Variants in ZNF518A observed in about 807,000 individuals in gnomAD.
The protein encoded by ZNF518A is zinc finger protein 518A.
Under a neutral mutation model 102.7 loss-of-function variants are expected in ZNF518A, and 47 were observed. That is an observed-to-expected ratio of 0.46 (90% CI 0.36 to 0.58). The LOEUF (loss-of-function observed/expected upper bound fraction) is 0.58. ZNF518A is among the 20% of genes least tolerant of loss of function. The pLI is 0.00. For synonymous variants in ZNF518A, 652 were observed against 594.6 expected, an observed-to-expected ratio of 1.10 and a Z score of -1.40; for missense variants, 1,793 against 1,699.8, an observed-to-expected ratio of 1.05 and a Z score of -0.96.
chr10:96,131,306 C>CT lies in ZNF518A; in HGVS notation c.-453+555dup, dbSNP rs151169717. On this transcript the variant is annotated intron_variant, in intron 1 of 5. Transcript: ENST00000316045. The stretch of plus-strand genomic sequence containing the variant: ...GCAAGGGGTCTGATTTGAGTGTACT[C>CT]TAAGGTTGATATCCTCAGGTTTAAT... 7.9e-3 allele frequency among the ~76,000 whole-genome samples: 1,198 copies of CT among 152,260 alleles called. 15 individuals carry two copies. Among genetic ancestry groups the CT allele is most frequent in the African/African-American group, 0.026 (1,068 of 41,540 alleles).
At chr10:96,186,306 C>T (rs2083271518) in intron 1 of ZNF518A, among the ~76,000 whole-genome samples, 1 of 152,224 alleles carries the variant, frequency 6.6e-6, no homozygotes, top group Non-Finnish European at 1.5e-5. Context: ...ATCGATCACA[C>T]TGGGAGCTGC....
At chr10:96,176,315 G>A (rs1344656756) in intron 1 of ZNF518A, among the ~76,000 whole-genome samples, 1 of 152,086 alleles carries the variant, frequency 6.6e-6, no homozygotes, top group Non-Finnish European at 1.5e-5. Context: ...AAACATTTAT[G>A]TAACTGGAGT....
intron 1 of ZNF518A, among the ~76,000 whole-genome samples, chr10:96,182,252 A>G (rs1346273904): frequency 6.6e-6 from 1 of 152,200 alleles, no homozygotes; most frequent in Non-Finnish European, 1.5e-5. Flanking sequence ...GGTTTTCTAG[A>G]TATACAATAA....
intron 2 of ZNF518A, 114 bp from the exon 3 acceptor site, chr10:96,133,469 A>G (rs587608435): frequency 6.6e-6 from 1 of 152,302 alleles, no homozygotes; most frequent in Admixed American, 6.5e-5. Flanking sequence ...CAACAAATCT[A>G]TGGTATTATA....
rs1554884638 is a variant in ZNF518A, at chr10:96,158,413, A to C, written c.2091A>C (p.Leu697Phe). ...AGAGCTCAAAACCAGATAGCCTATT[A>C]GCATCTATTAGCCTTTTAAATGATA... ...RQESSKPDSLLASISLLNDKD... is the reference protein window; with the variant it reads ...RQESSKPDSLFASISLLNDKD... The change falls in exon 6 of 6, where the codon TTA becomes TTC. Residue 697 changes from leucine (L) to phenylalanine (F), a missense_variant. Physicochemically the swap from Leu to Phe is conservative, Grantham distance 22. Transcript: ENST00000316045. 2 of 1,613,564 alleles carry C rather than the reference A, an allele frequency of 1.2e-6. No individual in the cohort carries two copies. Among genetic ancestry groups the C allele is most frequent in the South Asian group, 2.2e-5 (2 of 91,074 alleles).
At chr10:96,180,988 A>G (rs1344372695) in intron 1 of ZNF518A, among the ~76,000 whole-genome samples, 5 of 152,202 alleles carry the variant, frequency 3.3e-5, no homozygotes, top group African/African-American at 1.2e-4. Flanking sequence ...CTATTTCTCC[A>G]CATCCTCTCC....
intron 1 of ZNF518A, among the ~76,000 whole-genome samples, chr10:96,201,288 T>C (rs1306566385): frequency 6.6e-6 from 1 of 152,136 alleles, no homozygotes; most frequent in Non-Finnish European, 1.5e-5. Flanking sequence ...TGAAACCCAA[T>C]TTTCCTCATG....
chr10:96,144,558 C>T (rs1447483834), intron 3 of ZNF518A, among the ~76,000 whole-genome samples: 1 of 152,028 alleles, frequency 6.6e-6, no homozygotes, highest in Non-Finnish European at 1.5e-5. Context: ...CAAAGTGACT[C>T]AAGCAGTAGA....
At chr10:96,190,747 G>A (rs2083314612) in intron 1 of ZNF518A, among the ~76,000 whole-genome samples, 1 of 152,188 alleles carries the variant, frequency 6.6e-6, no homozygotes, top group Non-Finnish European at 1.5e-5. Flanking sequence ...GCTGTCTGAA[G>A]TACACAGTAG....
At position 96,157,113 on chromosome 10, in the gene ZNF518A, G is replaced by A. The variant is rs1554883029; in HGVS notation, c.791G>A (p.Cys264Tyr). ...CATTCTGGTACTTTTCCCTTCACTTGTCAATATTGTAGCTATGGTGCCACC... is the reference window on the plus strand; with the variant it reads ...CATTCTGGTACTTTTCCCTTCACTTATCAATATTGTAGCTATGGTGCCACC... ...HIHSGTFPFT[C>Y]QYCSYGATRR... The change falls in exon 6 of 6, where the codon TGT becomes TAT. Residue 264 changes from cysteine to tyrosine, a missense_variant. This residue lies in a region of ZNF518A where 1,741 missense variants were observed against 1,622.6 expected (regional missense o/e 1.07). Transcript: ENST00000316045. The A allele has an allele frequency of 6.2e-7, 1 of 1,613,660 alleles. No individual in the cohort carries two copies. The highest frequency in any genetic ancestry group is 2.2e-5 in the East Asian group (1 of 44,886).
At chr10:96,172,198 T>C (rs1377374909) in intron 1 of ZNF518A, among the ~76,000 whole-genome samples, 1 of 152,114 alleles carries the variant, frequency 6.6e-6, no homozygotes, top group Non-Finnish European at 1.5e-5. Context: ...AGTAAGTAAG[T>C]ATAAAAGAGA....
At chr10:96,149,877 T>G (rs1302982210) in intron 3 of ZNF518A, among the ~76,000 whole-genome samples, 1 of 152,186 alleles carries the variant, frequency 6.6e-6, no homozygotes, top group East Asian at 1.9e-4. Context: ...TGTAGTATAT[T>G]TTCTGAATCT....
intron 3 of ZNF518A, among the ~76,000 whole-genome samples, chr10:96,150,258 T>C (rs1478518899): frequency 6.7e-6 from 1 of 150,260 alleles, no homozygotes. Flanking sequence ...GGTGTGAACC[T>C]GGGAGGCGGA....
intron 3 of ZNF518A, among the ~76,000 whole-genome samples, chr10:96,138,823 G>T (rs187975363): frequency 6.6e-6 from 1 of 151,836 alleles, no homozygotes; most frequent in African/African-American, 2.4e-5. Flanking sequence ...TCACCCTTAC[G>T]CAACTTATAT....
intron 1 of ZNF518A, among the ~76,000 whole-genome samples, chr10:96,188,861 A>T (rs782800910): frequency 1.3e-5 from 2 of 152,202 alleles, no homozygotes; most frequent in Non-Finnish European, 2.9e-5. Flanking sequence ...GGACACTCAA[A>T]GTCCAAAATC....
chr10:96,204,308 T>A (rs899206355), downstream of ZNF518A: 12 of 701,046 alleles, frequency 1.7e-5, no homozygotes, highest in African/African-American at 2.0e-4. Flanking sequence ...ACTAAAGTAT[T>A]GTATTTTAGT....
At chr10:96,190,316 G>T in intron 1 of ZNF518A, 5 of 598,796 alleles carry the variant, frequency 8.4e-6, no homozygotes, top group Non-Finnish European at 1.5e-5. Context: ...CACGCCAGTA[G>T]TATTGTTCCT....
intron 3 of ZNF518A, among the ~76,000 whole-genome samples, chr10:96,150,121 G>T (rs1195377309): frequency 2.7e-5 from 4 of 149,970 alleles, no homozygotes; most frequent in Non-Finnish European, 5.9e-5. Context: ...TCAGGAGATC[G>T]AGACCATCCT....
chr10:96,159,344 C>A lies in ZNF518A; in HGVS notation c.3022C>A (p.Pro1008Thr). Residue 1008 changes from proline to threonine, a missense_variant, in exon 6 of 6, where the codon CCT becomes ACT. Physicochemically the swap from Pro to Thr is conservative, Grantham distance 38 (BLOSUM62 -1). Coordinates refer to ENST00000316045, the MANE Select transcript of ZNF518A (RefSeq NM_001330736.2). Reference sequence around the variant, plus strand: ...AGCTCGTGGAACTGTGACTAAGGAGCCTTGCAAAACACCTATTTTGAAGGT... The same window carrying A: ...AGCTCGTGGAACTGTGACTAAGGAGACTTGCAAAACACCTATTTTGAAGGT... ...APARGTVTKE[P>T]CKTPILKVEP... is the part of the protein sequence containing the mutation. 6.2e-7 allele frequency: 1 copy of A among 1,613,698 alleles called. No homozygotes were observed. Among genetic ancestry groups the A allele is most frequent in the Non-Finnish European group, 8.5e-7 (1 of 1,179,750 alleles).
Sources: gnomAD v4.1 joint callset for allele counts (sites outside exome capture counted in the v4.1 genomes callset) on GRCh38, gnomAD v4.1.1 for gene constraint, gnomAD v4.1.1 regional missense constraint, MANE v1.5 for transcripts, NCBI Gene and HGNC (gene_info 2026-07-23, HGNC 2026-07-21) for gene names.